The following IFT88 variants were observed in gnomAD, a reference collection of about 807,000 sequenced individuals.
IFT88 encodes intraflagellar transport protein 88 homolog.
IFT88 carries 74 observed loss-of-function variants against 119.5 expected under a neutral mutation model. The ratio of observed to expected loss-of-function variants is 0.62; its 90% CI spans 0.51 to 0.75. The LOEUF (loss-of-function observed/expected upper bound fraction) is 0.75. IFT88 is among the 30% of genes least tolerant of loss of function. The probability of loss-of-function intolerance (pLI) is 0.00; values close to 1 mark genes in which losing one functional copy is unlikely to be tolerated. For missense variants in IFT88, 961 were observed against 977.7 expected, an observed-to-expected ratio of 0.98 and a Z score of 0.23; for synonymous variants, 279 against 316.7, an observed-to-expected ratio of 0.88 and a Z score of 1.26.
chr13:20,641,594 AAG>A, intron 18 of IFT88, 196 bp downstream of exon 18: 1 of 426,940 alleles, frequency 2.3e-6, no homozygotes, highest in East Asian at 3.5e-5. Context: ...TTTGCATCGA[AAG>A]AGGAATTAAT....
At chr13:20,583,050 G>A in intron 3 of IFT88, 31 bp downstream of exon 3, 1 of 1,360,736 alleles carries the variant, frequency 7.3e-7, no homozygotes, top group Non-Finnish European at 1.0e-6. Context: ...TTAAATTGTG[G>A]TAAAAAATAC....
chr13:20,676,260 T>C (rs867939945), intron 24 of IFT88, among the ~76,000 whole-genome samples: 5 of 152,348 alleles, frequency 3.3e-5, no homozygotes, highest in South Asian at 2.1e-4. Flanking sequence ...TCACATCTTA[T>C]GTGAACAAGT....
intron 22 of IFT88, among the ~76,000 whole-genome samples, chr13:20,660,273 G>A (rs1566395016): frequency 6.6e-6 from 1 of 152,180 alleles, no homozygotes; most frequent in East Asian, 1.9e-4. Context: ...TGACGATATG[G>A]AGGTCAATGT....
intron 2 of IFT88, 47 bp downstream of exon 2, chr13:20,574,522 G>A: frequency 1.0e-6 from 1 of 993,406 alleles, no homozygotes; most frequent in Non-Finnish European, 1.6e-6. Flanking sequence ...TTAACCAGCT[G>A]GTTTATGAAG....
intron 22 of IFT88, among the ~76,000 whole-genome samples, chr13:20,657,389 C>G (rs372246629): frequency 1.3e-5 from 2 of 152,168 alleles, no homozygotes; most frequent in African/African-American, 4.8e-5. Context: ...ATAAATTTGT[C>G]CCTGAATAGC....
chr13:20,679,755 A>G (rs1487243151), intron 24 of IFT88, among the ~76,000 whole-genome samples: 1 of 152,132 alleles, frequency 6.6e-6, no homozygotes, highest in East Asian at 1.9e-4. Flanking sequence ...GGCTTAGTAT[A>G]TTTTCCTTCC....
intron 2 of IFT88, among the ~76,000 whole-genome samples, chr13:20,574,778 G>A (rs1010217259): frequency 6.6e-6 from 1 of 152,038 alleles, no homozygotes; most frequent in African/African-American, 2.4e-5. Context: ...TAAAATTAGG[G>A]TTTTAAGAAA....
Position 20,631,064 on chromosome 13 carries a change from A to T in IFT88, c.1348A>T (p.Ser450Cys), listed in dbSNP as rs760007756. 6.2e-7 allele frequency: 1 copy of T among 1,607,270 alleles called. No individual in the cohort carries two copies. The highest frequency in any genetic ancestry group is 8.5e-7 in the Non-Finnish European group (1 of 1,173,760). The change falls in exon 16 of 26, where the codon AGT becomes TGT. Residue 450 changes from serine to cysteine, a missense_variant. Coordinates refer to ENST00000351808, the MANE Select transcript of IFT88 (RefSeq NM_006531.5). Reference sequence around the variant, plus strand: ...GGAAAAAAAGGACAGTAGAGTGAAAAGTGCAGCTGCAACCAATCTCTCAGC... The same window carrying T: ...GGAAAAAAAGGACAGTAGAGTGAAATGTGCAGCTGCAACCAATCTCTCAGC... Reference protein sequence around the residue: ...VLEKKDSRVKSAAATNLSALY... With the variant: ...VLEKKDSRVKCAAATNLSALY...
intron 14 of IFT88, among the ~76,000 whole-genome samples, chr13:20,617,115 T>TG (rs1314037997): frequency 6.6e-6 from 1 of 152,136 alleles, no homozygotes; most frequent in Non-Finnish European, 1.5e-5. Flanking sequence ...AGCTAATTTT[T>TG]TTTTCAGTTT....
intron 13 of IFT88, among the ~76,000 whole-genome samples, chr13:20,606,533 C>T (rs1335460185): frequency 2.0e-5 from 3 of 152,234 alleles, no homozygotes; most frequent in Non-Finnish European, 2.9e-5. Context: ...CCAGCTAAAA[C>T]GATACTTAAA....
At chr13:20,654,046 CTG>C (rs879441982) in intron 21 of IFT88, 118 bp downstream of exon 21, 11 of 488,436 alleles carry the variant, frequency 2.3e-5, no homozygotes, top group African/African-American at 7.9e-5. Flanking sequence ...CTTTTTATAA[CTG>C]TACATAATTC....
At chr13:20,677,294 A>AG (rs1197421362) in intron 24 of IFT88, among the ~76,000 whole-genome samples, 3 of 152,202 alleles carry the variant, frequency 2.0e-5, no homozygotes, top group Non-Finnish European at 4.4e-5. Context: ...CAATAGAAGT[A>AG]GGGGGTGAGG....
intron 21 of IFT88, among the ~76,000 whole-genome samples, chr13:20,655,156 GGA>G (rs2052519741): frequency 6.6e-6 from 1 of 152,062 alleles, no homozygotes; most frequent in Non-Finnish European, 1.5e-5. Context: ...TGTAAAGGCC[GGA>G]CACAGTGGCT....
chr13:20,589,218 G>A (rs1366271199), intron 3 of IFT88, among the ~76,000 whole-genome samples: 1 of 152,158 alleles, frequency 6.6e-6, no homozygotes, highest in Non-Finnish European at 1.5e-5. Flanking sequence ...TTTAAAAACA[G>A]TCCATCATAG....
chr13:20,606,449 G>A (rs2043476250), intron 13 of IFT88, among the ~76,000 whole-genome samples: 1 of 152,214 alleles, frequency 6.6e-6, no homozygotes, highest in South Asian at 2.1e-4. Context: ...TGTGGCAGGG[G>A]CTGGATTTCC....
At chr13:20,577,805 C>T (rs1043393886) in intron 2 of IFT88, among the ~76,000 whole-genome samples, 1 of 151,882 alleles carries the variant, frequency 6.6e-6, no homozygotes, top group Non-Finnish European at 1.5e-5. Context: ...GGATGTTGGT[C>T]TATAATTTTC....
At chr13:20,639,482 C>T (rs988040826) in intron 17 of IFT88, among the ~76,000 whole-genome samples, 2 of 152,114 alleles carry the variant, frequency 1.3e-5, no homozygotes, top group Non-Finnish European at 2.9e-5. Context: ...CTACTGCCAA[C>T]CTTGAAGAAT....
At chr13:20,618,508 G>C (rs142861900) in intron 14 of IFT88, among the ~76,000 whole-genome samples, 8 of 152,268 alleles carry the variant, frequency 5.3e-5, no homozygotes, top group African/African-American at 1.9e-4. Context: ...AGAATTTCTG[G>C]GTGTTGGGAC....
chr13:20,615,266 T>C (rs191984563), intron 13 of IFT88, among the ~76,000 whole-genome samples: 46 of 152,320 alleles, frequency 3.0e-4, no homozygotes, highest in African/African-American at 9.4e-4. Flanking sequence ...TATAAATTGG[T>C]ATATCCACTT....
Sources: allele counts gnomAD v4.1 joint callset (sites outside exome capture counted in the v4.1 genomes callset), GRCh38; gene constraint gnomAD v4.1.1; transcripts MANE v1.5; gene names NCBI Gene and HGNC (gene_info 2026-07-23, HGNC 2026-07-21).